The following POMT2 variants were observed in gnomAD, a reference collection of about 807,000 sequenced individuals.
POMT2 encodes protein O-mannosyltransferase 2.
POMT2 carries 75 observed loss-of-function variants against 100.0 expected under a neutral mutation model. The observed-to-expected ratio is 0.75, with a 90% CI of 0.62 to 0.91. POMT2 has a LOEUF of 0.91. Among genes scored for constraint, POMT2 ranks in the 40% least tolerant of loss-of-function variants. POMT2 has a pLI of 0.00. For synonymous variants in POMT2, 378 were observed against 374.1 expected (o/e 1.01, Z -0.12); for missense variants, 940 against 955.1 (o/e 0.98, Z 0.21).
intron 1 of POMT2, among the ~76,000 whole-genome samples, chr14:77,317,782 T>C (rs1891684017): frequency 6.6e-6 from 1 of 152,252 alleles, no homozygotes; most frequent in Non-Finnish European, 1.5e-5. Context: ...TTCATCTTTC[T>C]TCCCCCTTAC....
chr14:77,288,265 A>T (rs572985109), intron 11 of POMT2, among the ~76,000 whole-genome samples: 27 of 152,308 alleles, frequency 1.8e-4, no homozygotes, highest in Non-Finnish European at 2.8e-4. Context: ...AGAAGTCTTT[A>T]TATTATTCCA....
In POMT2 at chr14:77,306,443, T is replaced by C; in HGVS notation, c.334-2A>G. ...GTAGCCAGCAAGACCTATCAGCATC[T>C]GAGGAGAGAAGAACAAACAAAAAGA... On this transcript the variant is annotated splice_acceptor_variant, in intron 2 of 20. Transcript: ENST00000261534. LOFTEE classifies it high-confidence loss of function. 1 of 1,612,058 alleles carries C rather than the reference T, an allele frequency of 6.2e-7. No individual in the cohort carries two copies. The highest frequency in any genetic ancestry group is 8.5e-7 in the Non-Finnish European group (1 of 1,178,312).
In POMT2 at chr14:77,275,225, T is replaced by G. The variant is rs45579739; in HGVS notation, c.*2151A>C. The G allele has an allele frequency of 1.3e-5, 2 of 152,252 alleles. No individual in the cohort carries two copies. Among genetic ancestry groups the G allele is most frequent in the Admixed American group, 6.5e-5 (1 of 15,284 alleles). 9.4% of individuals were successfully genotyped at this position (152,252 alleles called of 1,614,324 possible). ...AAAGCTGCATCAGCCCATGTGGCCT[T>G]GCTCCCAGAGAAGCATCTGCCAGTT... On this transcript the variant is annotated 3_prime_UTR_variant, in exon 21 of 21. Transcript: ENST00000261534.
intron 1 of POMT2, among the ~76,000 whole-genome samples, chr14:77,317,880 G>C (rs919607164): frequency 7.2e-5 from 11 of 152,188 alleles, no homozygotes; most frequent in African/African-American, 2.7e-4. Flanking sequence ...TTGTTGGAAT[G>C]GCCTGGTGCC....
Position 77,301,169 on chromosome 14 carries a change from C to A in POMT2, c.737G>T (p.Gly246Val). The A allele has an allele frequency of 6.2e-7, 1 of 1,614,244 alleles. No homozygotes were observed. Among genetic ancestry groups the A allele is most frequent in the Non-Finnish European group, 8.5e-7 (1 of 1,180,050 alleles). ...CCCCACTTGAAGGATGATAAAGAGG[C>A]CAACAAACTTGACCCCTAAAGCACC... ...LAGALGVKFVGLFIILQVGLN... is the reference protein window; with the variant it reads ...LAGALGVKFVVLFIILQVGLN... Residue 246 changes from glycine to valine, a missense_variant, in exon 6 of 21, where the codon GGC becomes GTC. Transcript: ENST00000261534.
At position 77,278,389 on chromosome 14, in the gene POMT2, C is replaced by G. The variant is rs1360206873; in HGVS notation, c.2147+5G>C. The G allele has an allele frequency of 1.4e-6, 2 of 1,460,610 alleles. No homozygotes were observed. The highest frequency in any genetic ancestry group is 2.8e-5 in the African/African-American group (2 of 70,906). The allele number at this position is 1,460,610 out of a possible 1,614,324, so 90.5% of individuals were successfully genotyped here. On this transcript the variant is annotated splice_donor_5th_base_variant and intron_variant, in intron 20 of 20. Coordinates refer to ENST00000261534, the MANE Select transcript of POMT2 (RefSeq NM_013382.7). ...GGAGGGCATGTGAGGTGCAGAGATG[C>G]TCACCTGTAGGCAGTTCCCAGGAGC...
intron 16 of POMT2, 73 bp from the exon 17 acceptor site, chr14:77,280,153 T>C (rs1452921988): frequency 1.2e-5 from 19 of 1,610,596 alleles, no homozygotes; most frequent in Non-Finnish European, 1.6e-5. Flanking sequence ...GGGAGGAAGA[T>C]GGTCACCTTC....
In POMT2 at chr14:77,320,504, G is replaced by T; in HGVS notation, c.178C>A (p.Leu60Met). Residue 60 changes from leucine to methionine, a missense_variant, in exon 1 of 21, where the codon CTG becomes ATG. Coordinates refer to ENST00000261534, the MANE Select transcript of POMT2 (RefSeq NM_013382.7). ...RRFEAVGWWA[L>M]LALVTLLSFA... is the part of the protein sequence containing the mutation. ...GACAGCAGCGTCACCAAGGCCAGCA[G>T]GGCCCACCAGCCGACCGCCTCGAAG... The T allele has an allele frequency of 6.5e-7, 1 of 1,547,984 alleles. No homozygotes were observed.
rs1374721881 is a variant in POMT2 at position 77,287,456 on chromosome 14, A to G, written c.1254-634T>C. 7 of 151,670 alleles carry G rather than the reference A, an allele frequency of 4.6e-5. No homozygotes were observed. The East Asian group carries it at 7.7e-4, about 17-fold the overall frequency. 9.4% of individuals were successfully genotyped at this position (151,670 alleles called of 1,614,324 possible). ...TTTATTTAATAAAATAAAAATTTTA[A>G]GTATTCAAAATCCAGCTGACTCAAA... On this transcript the variant is annotated intron_variant, in intron 11 of 20. Coordinates refer to ENST00000261534, the MANE Select transcript of POMT2 (RefSeq NM_013382.7).
rs1566641375 is a variant in POMT2 at position 77,277,045 on chromosome 14, T to A, written c.*331A>T. ...CAGCTGTCCAGTTACACGGTCTGTATTCCACAGGGATATGGACAACATGCC... is the reference window on the plus strand; with the variant it reads ...CAGCTGTCCAGTTACACGGTCTGTAATCCACAGGGATATGGACAACATGCC... On this transcript the variant is annotated 3_prime_UTR_variant, in exon 21 of 21. Transcript: ENST00000261534. 3 of 362,620 alleles carry A rather than the reference T, an allele frequency of 8.3e-6. No individual in the cohort carries two copies. Among genetic ancestry groups the A allele is most frequent in the Non-Finnish European group, 1.6e-5 (3 of 190,580 alleles). 22.5% of individuals were successfully genotyped at this position (362,620 alleles called of 1,614,324 possible). A position where few individuals can be genotyped will look rare whatever the true frequency, so the allele number is the denominator to read the frequency against.
rs757847083 is a variant in POMT2 at position 77,306,423 on chromosome 14, C to T, written c.352G>A (p.Gly118Ser). The change falls in exon 3 of 21, where the codon GGC becomes AGC. Residue 118 changes from glycine to serine, a missense_variant. Coordinates refer to ENST00000261534, the MANE Select transcript of POMT2 (RefSeq NM_013382.7). ...PLGKMLIGLA[G>S]YLSGYDGTFL... ...GTACCATCATATCCACTCAGGTAGCCAGCAAGACCTATCAGCATCTGAGGA... is the reference window on the plus strand; with the variant it reads ...GTACCATCATATCCACTCAGGTAGCTAGCAAGACCTATCAGCATCTGAGGA... 1.2e-6 allele frequency: 2 copies of T among 1,612,790 alleles called. No homozygotes were observed. The highest frequency in any genetic ancestry group is 8.5e-7 in the Non-Finnish European group (1 of 1,178,930).
intron 9 of POMT2, among the ~76,000 whole-genome samples, chr14:77,295,937 G>A (rs1180663994): frequency 6.6e-6 from 1 of 152,014 alleles, no homozygotes; most frequent in African/African-American, 2.4e-5. Context: ...CTCATCAGAG[G>A]GGCACCCCAC....
Position 77,278,410 on chromosome 14 carries a change from G to A in POMT2, c.2131C>T (p.Leu711=). 6.8e-7 allele frequency: 1 copy of A among 1,472,836 alleles called. No homozygotes were observed. Among genetic ancestry groups the A allele is most frequent in the South Asian group, 1.2e-5 (1 of 82,468 alleles). 91.2% of individuals were successfully genotyped at this position (1,472,836 alleles called of 1,614,324 possible). ...IHVAGILSLL[L]GTAYSFYLFH... ...GATGCTCACCTGTAGGCAGTTCCCA[G>A]GAGCAGGCTCAGGATTCCCGCCACA... The change falls in exon 20 of 21, where the codon CTG becomes TTG. Residue 711 remains leucine, a synonymous_variant. Transcript: ENST00000261534.
chr14:77,297,496 A>G (rs971193472), intron 8 of POMT2, among the ~76,000 whole-genome samples: 1 of 152,056 alleles, frequency 6.6e-6, no homozygotes. Flanking sequence ...CAATTTCCCC[A>G]AGCAGCTCAC....
chr14:77,305,222 A>G (rs1891183719), intron 3 of POMT2, among the ~76,000 whole-genome samples: 1 of 152,224 alleles, frequency 6.6e-6, no homozygotes, highest in South Asian at 2.1e-4. Flanking sequence ...TATTTCAGAG[A>G]ATTTTAAGGA....
chr14:77,279,631 G>T (rs1216321911), intron 18 of POMT2, 192 bp downstream of exon 18: 1 of 702,928 alleles, frequency 1.4e-6, no homozygotes, highest in East Asian at 2.7e-5. Context: ...CTCTAGTGTT[G>T]TTGGGAGGAA....
rs755038020 is a variant in POMT2 at position 77,286,744 on chromosome 14, T to A, written c.1332A>T (p.Ile444=). ...RKHYQVTGYG[I]NGTGDSNDFW... ...ACTCACATCCCCGTTGCTTACTTAC[T>A]ATGCCATAGCCGGTGACCTGATAGT... Residue 444 remains isoleucine, a splice_region_variant and synonymous_variant, in exon 12 of 21, where the codon ATA becomes ATT. Coordinates refer to ENST00000261534, the MANE Select transcript of POMT2 (RefSeq NM_013382.7). 2 of 1,614,022 alleles carry A rather than the reference T, an allele frequency of 1.2e-6. No individual in the cohort carries two copies. The highest frequency in any genetic ancestry group is 2.7e-5 in the African/African-American group (2 of 74,914).
intron 11 of POMT2, chr14:77,287,334 T>C: frequency 6.6e-6 from 1 of 152,616 alleles, no homozygotes; most frequent in East Asian, 1.9e-4. Context: ...ACTCTCACTT[T>C]TATCTGGAAC....
rs1891575728 is a variant in POMT2, at chr14:77,314,996, T to C, written c.249-2963A>G. ...TCAGCTGCATTAAAGACTGAGATGA[T>C]TAAAGGTTGGGCTGAGGTTTCCATG... On this transcript the variant is annotated intron_variant, in intron 1 of 20. Transcript: ENST00000261534. 4.6e-5 allele frequency among the ~76,000 whole-genome samples: 7 copies of C among 152,252 alleles called. 1 individual carries two copies. In the South Asian group the frequency reaches 1.5e-3, roughly 32 times the overall value.
Sources: gnomAD v4.1 joint callset for allele counts (sites outside exome capture counted in the v4.1 genomes callset) on GRCh38, gnomAD v4.1.1 for gene constraint, MANE v1.5 for transcripts, NCBI Gene and HGNC (gene_info 2026-07-23, HGNC 2026-07-21) for gene names.